Variants in AFF3 observed in about 807,000 individuals in gnomAD.
AFF3 encodes the protein ALF transcription elongation factor 3, also known as AF4/FMR2 family member 3.
A neutral mutation model predicts 129.7 loss-of-function variants in AFF3; 32 were observed. That is an observed-to-expected ratio of 0.25 (90% CI 0.19 to 0.33). The LOEUF is 0.33. AFF3 is among the 10% of genes least tolerant of loss of function. The pLI, the probability that AFF3 is intolerant of heterozygous loss-of-function variation, is 1.00. For synonymous variants in AFF3, 644 were observed against 635.4 expected, an observed-to-expected ratio of 1.01 and a Z score of -0.20; for missense variants, 1,373 against 1,592.0, an observed-to-expected ratio of 0.86 and a Z score of 2.34.
intron 4 of AFF3, among the ~76,000 whole-genome samples, chr2:100,023,416 A>T (rs1683759614): frequency 6.6e-6 from 1 of 152,200 alleles, no homozygotes; most frequent in Non-Finnish European, 1.5e-5. Context: ...AAAATTCTAC[A>T]TGCATTAACA....
At chr2:99,836,598 T>C (rs1375039492) in intron 8 of AFF3, among the ~76,000 whole-genome samples, 1 of 152,190 alleles carries the variant, frequency 6.6e-6, no homozygotes, top group Non-Finnish European at 1.5e-5. Context: ...TTTAAAATAG[T>C]TGTTAATGTA....
Position 100,006,687 on chromosome 2 carries a change from TCCG to T in AFF3, c.815_817del (p.Pro272_Glu273delinsGln), listed in dbSNP as rs1034355699. 6.2e-7 allele frequency: 1 copy of T among 1,613,624 alleles called. No individual in the cohort carries two copies. Among genetic ancestry groups the T allele is most frequent in the African/African-American group, 1.3e-5 (1 of 74,932 alleles). On this transcript the variant is annotated inframe_deletion, in exon 7 of 25. Transcript: ENST00000672756. ...GAGCTTGGCCTTGGCTCTGGCAGGC[TCCG>T]GCTTGCTGGCAGGGACTCCCCTGTA...
chr2:99,991,032 T>C (rs1680290732), intron 7 of AFF3, among the ~76,000 whole-genome samples: 1 of 152,034 alleles, frequency 6.6e-6, no homozygotes, highest in Admixed American at 6.6e-5. Flanking sequence ...GCATCCAACC[T>C]TCACGAACCT....
intron 8 of AFF3, among the ~76,000 whole-genome samples, chr2:99,782,876 G>C (rs1456920441): frequency 6.6e-6 from 1 of 152,232 alleles, no homozygotes; most frequent in African/African-American, 2.4e-5. Flanking sequence ...GCACATGAGT[G>C]TGTAGAGGAT....
intron 8 of AFF3, among the ~76,000 whole-genome samples, chr2:99,777,635 C>T (rs1371854486): frequency 6.6e-6 from 1 of 152,182 alleles, no homozygotes; most frequent in African/African-American, 2.4e-5. Context: ...GCTCTTCATT[C>T]ATAACTCTTT....
chr2:99,876,763 C>T (rs62147620), intron 7 of AFF3, among the ~76,000 whole-genome samples: 4,386 of 152,214 alleles, frequency 0.029, 81 homozygotes, highest in Non-Finnish European at 0.041. Context: ...TCTTGGCTCA[C>T]GAAGCTCTAG....
chr2:100,096,348 T>G (rs1167566209), intron 4 of AFF3, among the ~76,000 whole-genome samples: 1 of 151,336 alleles, frequency 6.6e-6, no homozygotes, highest in Non-Finnish European at 1.5e-5. Context: ...TTATGTTTAC[T>G]TCCCACCATA....
intron 13 of AFF3, among the ~76,000 whole-genome samples, chr2:99,605,609 G>A (rs553160490): frequency 6.6e-6 from 1 of 152,336 alleles, no homozygotes; most frequent in South Asian, 2.1e-4. Flanking sequence ...GAGGGTGGCA[G>A]AGCCAAGATG....
intron 22 of AFF3, among the ~76,000 whole-genome samples, chr2:99,556,528 T>TC (rs1575338563): frequency 6.6e-6 from 1 of 152,276 alleles, no homozygotes; most frequent in East Asian, 1.9e-4. Flanking sequence ...GGAACAAAGT[T>TC]CTTTTTTTTT....
intron 4 of AFF3, among the ~76,000 whole-genome samples, chr2:100,086,494 C>T (rs1200592352): frequency 6.6e-6 from 1 of 152,130 alleles, no homozygotes; most frequent in African/African-American, 2.4e-5. Context: ...AAACTCCAGC[C>T]TGGTGACAGA....
At chr2:99,852,269 A>C (rs537526671) in intron 7 of AFF3, among the ~76,000 whole-genome samples, 54 of 152,250 alleles carry the variant, frequency 3.5e-4, no homozygotes, top group Non-Finnish European at 7.2e-4. Context: ...TCATGTTGGC[A>C]CTAATCCCAC....
intron 8 of AFF3, among the ~76,000 whole-genome samples, chr2:99,816,271 G>C (rs748835486): frequency 1.3e-5 from 2 of 152,078 alleles, no homozygotes; most frequent in Non-Finnish European, 2.9e-5. Flanking sequence ...TTCTCCATAA[G>C]AGCCATTAAC....
chr2:100,138,071 C>A (rs143073622), intron 1 of AFF3, among the ~76,000 whole-genome samples: 4 of 152,298 alleles, frequency 2.6e-5, no homozygotes, highest in Non-Finnish European at 5.9e-5. Context: ...AAGCCAGCCT[C>A]CACTCAGAGC....
At chr2:99,681,546 G>C (rs1674524544) in intron 11 of AFF3, among the ~76,000 whole-genome samples, 2 of 152,152 alleles carry the variant, frequency 1.3e-5, no homozygotes. Flanking sequence ...GGGGCCTTTG[G>C]GAGGTGATTA....
At chr2:99,761,234 A>C (rs1682566016) in intron 8 of AFF3, among the ~76,000 whole-genome samples, 1 of 150,990 alleles carries the variant, frequency 6.6e-6, no homozygotes, top group South Asian at 2.1e-4. Flanking sequence ...CTTTATATTA[A>C]ATATACTCAC....
At chr2:99,921,808 T>C (rs981341676) in intron 7 of AFF3, among the ~76,000 whole-genome samples, 17 of 152,114 alleles carry the variant, frequency 1.1e-4, no homozygotes, top group African/African-American at 3.6e-4. Flanking sequence ...TTGCAATACA[T>C]ATATCTGACA....
chr2:99,832,774 C>A (rs116570652), intron 8 of AFF3, among the ~76,000 whole-genome samples: 4 of 152,170 alleles, frequency 2.6e-5, no homozygotes, highest in Admixed American at 2.6e-4. Context: ...AGCCCTCCAT[C>A]GGGCTGACTT....
chr2:99,987,989 A>G (rs1476233253), intron 7 of AFF3, among the ~76,000 whole-genome samples: 1 of 152,194 alleles, frequency 6.6e-6, no homozygotes, highest in Non-Finnish European at 1.5e-5. Context: ...AGTGCCAAGG[A>G]TATAAAGATG....
chr2:99,715,712 C>T lies in AFF3; in HGVS notation c.1091+11365G>A, dbSNP rs72817062. Among the ~76,000 whole-genome samples the T allele has an allele frequency of 5.2e-3, 780 of 150,094 alleles. 2 individuals carry two copies. The highest frequency in any genetic ancestry group is 9.0e-3 in the Non-Finnish European group (611 of 67,644). ...TTTGAGATGGAGTCTCACTGTGTCACCCAGGCTGGAGTGCAGTGGTGTGAT... is the reference window on the plus strand; with the variant it reads ...TTTGAGATGGAGTCTCACTGTGTCATCCAGGCTGGAGTGCAGTGGTGTGAT... On this transcript the variant is annotated intron_variant, in intron 11 of 24. Transcript: ENST00000672756.
Sources: gnomAD v4.1 joint callset for allele counts (sites outside exome capture counted in the v4.1 genomes callset) on GRCh38, gnomAD v4.1.1 for gene constraint, MANE v1.5 for transcripts, NCBI Gene and HGNC (gene_info 2026-07-23, HGNC 2026-07-21) for gene names.